BCL11A: variants seen among roughly 807,000 people sequenced by gnomAD.
The protein encoded by BCL11A is B cell CLL/lymphoma 11A.
In BCL11A, 2 loss-of-function variants were observed where a neutral mutation model predicts 55.9. The observed-to-expected ratio is 0.04, with a 90% CI of 0.01 to 0.11. The LOEUF (loss-of-function observed/expected upper bound fraction) is 0.11, where lower values mean the gene tolerates loss of function less well. BCL11A is among the 10% of genes least tolerant of loss of function. BCL11A has a pLI of 1.00. For synonymous variants in BCL11A, 465 were observed against 473.4 expected (o/e 0.98, Z 0.23); for missense variants, 817 against 1,137.1 (o/e 0.72, Z 4.05).
rs1435141773 is a variant in BCL11A, at chr2:60,519,851, C to T, written c.385+26120G>A. On this transcript the variant is annotated intron_variant, in intron 2 of 3. Transcript: ENST00000642384. ...GAAAACTCAGTGAAGACAAAGAGAT[C>T]GTTTTCATAGGCATTGTCATTTGCC... 2.6e-5 allele frequency among the ~76,000 whole-genome samples: 4 copies of T among 152,140 alleles called. 1 individual carries two copies.
At position 60,457,455 on chromosome 2, in the gene BCL11A, C is replaced by G. The variant is rs370210357; in HGVS notation, c.*2949G>C. On this transcript the variant is annotated 3_prime_UTR_variant, in exon 4 of 4. Coordinates refer to ENST00000642384, the MANE Select transcript of BCL11A (RefSeq NM_022893.4). ...GCACATAAGCAATAATAAATAGTGA[C>G]TCCCATAGTAAAAGATAAAATTTCA... 4.8e-6 allele frequency: 5 copies of G among 1,039,186 alleles called. No individual in the cohort carries two copies. Among genetic ancestry groups the G allele is most frequent in the African/African-American group, 1.7e-5 (1 of 59,664 alleles). 64.4% of individuals were successfully genotyped at this position (1,039,186 alleles called of 1,614,324 possible). A position where few individuals can be genotyped will look rare whatever the true frequency, so the allele number is the denominator to read the frequency against.
Position 60,553,286 on chromosome 2 carries a change from GGGC to G in BCL11A, c.-19_-17del, listed in dbSNP as rs748538213. 21,755 of 1,382,918 alleles carry G rather than the reference GGGC, an allele frequency of 0.016. No homozygotes were observed. Among genetic ancestry groups the G allele is most frequent in the South Asian group, 0.046 (2,935 of 64,250 alleles). 85.7% of individuals were successfully genotyped at this position (1,382,918 alleles called of 1,614,324 possible). On this transcript the variant is annotated 5_prime_UTR_variant, in exon 1 of 4. Transcript: ENST00000642384. ...GGCGAGACATGGTGGGCTGCGGGGC[GGGC>G]GGCGGCGGCGGCGGCGGCGGCGGCG...
chr2:60,503,920 A>G (rs1679430495), intron 2 of BCL11A, among the ~76,000 whole-genome samples: 1 of 152,110 alleles, frequency 6.6e-6, no homozygotes, highest in Non-Finnish European at 1.5e-5. Flanking sequence ...TTGATTCTAG[A>G]AAAAAAAGAA....
chr2:60,546,164 G>A lies in BCL11A; in HGVS notation c.192C>T (p.Ile64=), dbSNP rs369929831. Residue 64 remains isoleucine (I), a synonymous_variant, in exon 2 of 4, where the codon ATC becomes ATT. Transcript: ENST00000642384. The surrounding 1 kb of genome is among the most constrained non-coding windows in gnomAD (Gnocchi z 4.1). ...NFPLGDILIF[I]EHKRKQCNGS... Reference sequence around the variant, plus strand: ...CATTGCATTGTTTCCGTTTGTGCTCGATAAAAATAAGAATGTCCCCCAATG... The same window carrying A: ...CATTGCATTGTTTCCGTTTGTGCTCAATAAAAATAAGAATGTCCCCCAATG... The A allele has an allele frequency of 1.4e-5, 22 of 1,614,040 alleles. No individual in the cohort carries two copies. The highest frequency in any genetic ancestry group is 1.7e-5 in the Non-Finnish European group (20 of 1,180,034).
chr2:60,492,581 G>A (rs187782962), intron 2 of BCL11A, among the ~76,000 whole-genome samples: 53 of 151,138 alleles, frequency 3.5e-4, no homozygotes, highest in African/African-American at 1.3e-3. Flanking sequence ...CAAATGCTCT[G>A]CTTATGGTGG....
chr2:60,509,557 C>T (rs1401228904), intron 2 of BCL11A, among the ~76,000 whole-genome samples: 1 of 152,124 alleles, frequency 6.6e-6, no homozygotes, highest in African/African-American at 2.4e-5. Flanking sequence ...CTACCTGAGA[C>T]CTGAGAAAAC....
At chr2:60,452,818 T>C, downstream of BCL11A, 1 of 601,712 alleles carries the variant, frequency 1.7e-6, no homozygotes, top group South Asian at 2.0e-5. Flanking sequence ...GATTTCAAAC[T>C]CAGCCTCCCC....
chr2:60,458,110 A>G lies in BCL11A; in HGVS notation c.*2294T>C. On this transcript the variant is annotated 3_prime_UTR_variant, in exon 4 of 4. Coordinates refer to ENST00000642384, the MANE Select transcript of BCL11A (RefSeq NM_022893.4). ...AGCAACAGTTAAAAATACAAGCTTC[A>G]ATATAAATACTATAGTGCCTAACAC... The G allele has an allele frequency of 9.7e-7, 1 of 1,032,476 alleles. No homozygotes were observed. Among genetic ancestry groups the G allele is most frequent in the Non-Finnish European group, 1.2e-6 (1 of 857,796 alleles). 64.0% of individuals were successfully genotyped at this position (1,032,476 alleles called of 1,614,324 possible). A position where few individuals can be genotyped will look rare whatever the true frequency, so the allele number is the denominator to read the frequency against.
intron 1 of BCL11A, among the ~76,000 whole-genome samples, chr2:60,552,372 C>G (rs890164083): frequency 7.2e-5 from 11 of 152,146 alleles, no homozygotes; most frequent in Non-Finnish European, 1.5e-4. Context: ...CTCCCTCCCT[C>G]TCCCGCGTGC....
chr2:60,452,152 A>G (rs554312038), exon 5 of BCL11A: 2 of 230,344 alleles, frequency 8.7e-6, no homozygotes, highest in African/African-American at 4.4e-5. Context: ...ACAAGCAAAC[A>G]CCACCTAAAG....
chr2:60,479,591 C>T (rs1677833278), intron 2 of BCL11A, among the ~76,000 whole-genome samples: 1 of 152,214 alleles, frequency 6.6e-6, no homozygotes, highest in South Asian at 2.1e-4. Flanking sequence ...CAGCTGCCAT[C>T]GCACTCAAAC....
chr2:60,518,213 T>A (rs894654092), intron 2 of BCL11A, among the ~76,000 whole-genome samples: 1 of 152,194 alleles, frequency 6.6e-6, no homozygotes, highest in African/African-American at 2.4e-5. Flanking sequence ...CAGTTTTTTA[T>A]CTATCAAACC....
At chr2:60,483,990 T>G (rs1293622516) in intron 2 of BCL11A, 1 of 152,232 alleles carries the variant, frequency 6.6e-6, no homozygotes, top group Admixed American at 6.5e-5. Context: ...ATTATCTGCA[T>G]TGTGACACTT....
intron 2 of BCL11A, among the ~76,000 whole-genome samples, chr2:60,482,975 T>G (rs1232576169): frequency 6.6e-6 from 1 of 152,242 alleles, no homozygotes; most frequent in Non-Finnish European, 1.5e-5. Context: ...ATGATGATGT[T>G]TAAGTCTAAC....
At chr2:60,484,727 A>G (rs970982444) in intron 2 of BCL11A, among the ~76,000 whole-genome samples, 1 of 151,840 alleles carries the variant, frequency 6.6e-6, no homozygotes, top group Admixed American at 6.6e-5. Context: ...AAGGTTAACC[A>G]CTCGAGAAAA....
At chr2:60,470,759 A>T (rs569538649) in intron 2 of BCL11A, among the ~76,000 whole-genome samples, 1 of 152,190 alleles carries the variant, frequency 6.6e-6, no homozygotes, top group Non-Finnish European at 1.5e-5. Context: ...CCGTGTGGCA[A>T]AGTGAGGTCT....
intron 2 of BCL11A, among the ~76,000 whole-genome samples, chr2:60,507,561 C>T (rs1174456699): frequency 6.6e-6 from 1 of 152,036 alleles, no homozygotes; most frequent in African/African-American, 2.4e-5. Flanking sequence ...TGAGGACAGG[C>T]AAGGGGAAGA....
rs533668519 is a variant in BCL11A, at chr2:60,547,771, C to T, written c.56-1471G>A. 8.5e-5 allele frequency among the ~76,000 whole-genome samples: 13 copies of T among 152,200 alleles called. No individual in the cohort carries two copies. The South Asian group carries it at 2.7e-3, about 32-fold the overall frequency. ...TAAATTTATTTCAACCCTACCCAGG[C>T]TGAATATTGAGGGGGAAGATCTGGA... is the stretch of plus-strand genomic sequence containing the variant. On this transcript the variant is annotated intron_variant, in intron 1 of 3. Coordinates refer to ENST00000642384, the MANE Select transcript of BCL11A (RefSeq NM_022893.4).
chr2:60,482,769 A>G (rs917839279), intron 2 of BCL11A, among the ~76,000 whole-genome samples: 14 of 152,236 alleles, frequency 9.2e-5, no homozygotes, highest in Admixed American at 9.2e-4. Flanking sequence ...GTACCACACT[A>G]CATTTAACTG....
Sources: gnomAD v4.1 joint callset for allele counts (sites outside exome capture counted in the v4.1 genomes callset) on GRCh38, gnomAD v4.1.1 for gene constraint, Gnocchi (gnomAD v3.1) non-coding constraint, MANE v1.5 for transcripts, NCBI Gene and HGNC (gene_info 2026-07-23, HGNC 2026-07-21) for gene names.